SAMSN1: variants seen among roughly 807,000 people sequenced by gnomAD.
SAMSN1 encodes the protein SAM domain-containing protein SAMSN-1.
In SAMSN1, 31 loss-of-function variants were observed where a neutral mutation model predicts 42.0. The ratio of observed to expected loss-of-function variants is 0.74; its 90% CI spans 0.55 to 1.00. The LOEUF (loss-of-function observed/expected upper bound fraction) is 1.00, where lower values mean the gene tolerates loss of function less well. Ranked by LOEUF, SAMSN1 falls within the 50% of genes least tolerant of loss-of-function variation. The pLI is 0.00. For missense variants in SAMSN1, 464 were observed against 439.4 expected (o/e 1.06, Z -0.50); for synonymous variants, 178 against 151.9 (o/e 1.17, Z -1.26).
chr21:14,502,317 T>C (rs1280255994), intron 5 of SAMSN1, among the ~76,000 whole-genome samples: 1 of 152,174 alleles, frequency 6.6e-6, no homozygotes, highest in African/African-American at 2.4e-5. Context: ...CTAGGGAGAC[T>C]GAGAAGCTCT....
intron 2 of SAMSN1, among the ~76,000 whole-genome samples, chr21:14,642,107 T>C (rs1488601468): frequency 3.9e-5 from 6 of 152,190 alleles, no homozygotes; most frequent in African/African-American, 1.2e-4. Flanking sequence ...CATCTTCACA[T>C]TGAGTAGGCT....
At chr21:14,655,362 G>A (rs1983899621) in intron 1 of SAMSN1, among the ~76,000 whole-genome samples, 2 of 151,654 alleles carry the variant, frequency 1.3e-5, no homozygotes, top group African/African-American at 4.8e-5. Flanking sequence ...TCTAGAAAAA[G>A]AAAATGATGG....
Position 14,609,656 on chromosome 21 carries a change from C to A in SAMSN1, c.236-88G>T, listed in dbSNP as rs1982655093. ...ACATTTGAAATCAAAACAAGTTCAG[C>A]ACAGGATTTGCAACTTGGTAAGTGG... On this transcript the variant is annotated intron_variant, in intron 4 of 15. Transcript: ENST00000647101. 3 of 700,994 alleles carry A rather than the reference C, an allele frequency of 4.3e-6. No homozygotes were observed. The South Asian group carries it at 4.6e-5, about 11-fold the overall frequency. The allele number at this position is 700,994 out of a possible 1,614,324, so 43.4% of individuals were successfully genotyped here.
chr21:14,569,235 C>T (rs1480109254), intron 2 of SAMSN1, among the ~76,000 whole-genome samples: 1 of 152,130 alleles, frequency 6.6e-6, no homozygotes, highest in South Asian at 2.1e-4. Flanking sequence ...ATAGAGGCTG[C>T]AGTGAGCTGT....
intron 2 of SAMSN1, among the ~76,000 whole-genome samples, chr21:14,630,330 T>C (rs529779051): frequency 6.6e-6 from 1 of 152,126 alleles, no homozygotes; most frequent in Admixed American, 6.6e-5. Flanking sequence ...TCAGTAGTGA[T>C]GACAAATGCT....
At chr21:14,633,977 C>T (rs975528130) in intron 2 of SAMSN1, among the ~76,000 whole-genome samples, 12 of 151,918 alleles carry the variant, frequency 7.9e-5, no homozygotes, top group African/African-American at 2.9e-4. Context: ...TGGATTTTTC[C>T]AGTGCTTTTT....
chr21:14,570,717 A>T (rs1412550094), intron 2 of SAMSN1, among the ~76,000 whole-genome samples: 3 of 152,136 alleles, frequency 2.0e-5, no homozygotes, highest in Admixed American at 6.6e-5. Flanking sequence ...AGTTCACGCC[A>T]CCATCATCTT....
At chr21:14,645,904 T>C (rs187234130) in intron 1 of SAMSN1, among the ~76,000 whole-genome samples, 8 of 152,212 alleles carry the variant, frequency 5.3e-5, no homozygotes, top group Non-Finnish European at 8.8e-5. Context: ...AATAGCAGAA[T>C]GTATAAGCAG....
chr21:14,640,961 G>T (rs1467149129), intron 2 of SAMSN1, among the ~76,000 whole-genome samples: 2 of 151,854 alleles, frequency 1.3e-5, no homozygotes, highest in Non-Finnish European at 2.9e-5. Context: ...AAAAATTTTA[G>T]TCGACTAGTT....
intron 5 of SAMSN1, among the ~76,000 whole-genome samples, chr21:14,505,401 A>C (rs1326097314): frequency 6.6e-6 from 1 of 152,230 alleles, no homozygotes; most frequent in Non-Finnish European, 1.5e-5. Flanking sequence ...AGGGGTGGAA[A>C]AAGATATTTC....
intron 1 of SAMSN1, among the ~76,000 whole-genome samples, chr21:14,530,727 T>C (rs1311100182): frequency 1.3e-5 from 2 of 152,144 alleles, no homozygotes; most frequent in African/African-American, 4.8e-5. Context: ...AAGTCATGAT[T>C]AACTGTGTCC....
At chr21:14,506,221 G>A (rs1246210269) in intron 5 of SAMSN1, among the ~76,000 whole-genome samples, 3 of 151,512 alleles carry the variant, frequency 2.0e-5, no homozygotes, top group Non-Finnish European at 4.4e-5. Flanking sequence ...AAATAACCAA[G>A]GTCAGAGCAG....
intron 1 of SAMSN1, among the ~76,000 whole-genome samples, chr21:14,537,016 T>C (rs1979667491): frequency 6.6e-6 from 1 of 152,214 alleles, no homozygotes; most frequent in African/African-American, 2.4e-5. Flanking sequence ...CTCACTCCCT[T>C]CAGTATATTT....
chr21:14,627,059 T>C (rs921147373), intron 2 of SAMSN1, among the ~76,000 whole-genome samples: 14 of 152,036 alleles, frequency 9.2e-5, no homozygotes, highest in Admixed American at 2.6e-4. Context: ...TTCTCACTCA[T>C]AGGTGGGAAT....
rs1600970367 is a variant in SAMSN1 at position 14,623,685 on chromosome 21, T to A, written c.157-7669A>T. 1.3e-5 allele frequency among the ~76,000 whole-genome samples: 2 copies of A among 152,266 alleles called. 1 individual carries two copies. The highest frequency in any genetic ancestry group is 4.1e-4 in the South Asian group (2 of 4,822). Reference sequence around the variant, plus strand: ...CCCACACAATAATAATGGGAGACTTTAACACCTCACTGTCAACATTAGACA... The same window carrying A: ...CCCACACAATAATAATGGGAGACTTAAACACCTCACTGTCAACATTAGACA... On this transcript the variant is annotated intron_variant, in intron 2 of 15. Transcript: ENST00000647101.
At chr21:14,510,489 C>A in intron 4 of SAMSN1, 28 bp from the exon 5 acceptor site, 1 of 1,613,086 alleles carries the variant, frequency 6.2e-7, no homozygotes, top group South Asian at 1.1e-5. Context: ...TCACAGTTGT[C>A]ATGGAAGACT....
At chr21:14,596,912 T>G (rs1251700812) in intron 6 of SAMSN1, among the ~76,000 whole-genome samples, 1 of 152,184 alleles carries the variant, frequency 6.6e-6, no homozygotes, top group African/African-American at 2.4e-5. Context: ...AAATAATTTT[T>G]TTTGTTTGTT....
At position 14,491,569 on chromosome 21, in the gene SAMSN1, C is replaced by T. The variant is rs77002725; in HGVS notation, c.920-5455G>A. 3.2e-4 allele frequency among the ~76,000 whole-genome samples: 49 copies of T among 152,256 alleles called. No individual in the cohort carries two copies. In the East Asian group the frequency reaches 9.5e-3, roughly 29 times the overall value. On this transcript the variant is annotated intron_variant, in intron 7 of 7. Transcript: ENST00000400566. The stretch of plus-strand genomic sequence containing the variant: ...GTTAAACAAACCCTTATCTATCTAA[C>T]CACTTCACCCAATTAGCTAGCCTAT...
chr21:14,646,151 GC>G (rs1292494854), intron 1 of SAMSN1, among the ~76,000 whole-genome samples: 1 of 152,066 alleles, frequency 6.6e-6, no homozygotes, highest in Non-Finnish European at 1.5e-5. Context: ...GATATCAGTA[GC>G]CAAGTACAAG....
Sources: allele counts gnomAD v4.1 joint callset (sites outside exome capture counted in the v4.1 genomes callset), GRCh38; gene constraint gnomAD v4.1.1; transcripts MANE v1.5; gene names NCBI Gene and HGNC (gene_info 2026-07-23, HGNC 2026-07-21).